TNS3: variants seen among roughly 807,000 people sequenced by gnomAD.
TNS3 encodes tensin 3.
A neutral mutation model predicts 140.9 loss-of-function variants in TNS3; 45 were observed. That is an observed-to-expected ratio of 0.32 (90% CI 0.25 to 0.41). The LOEUF is 0.41. TNS3 is among the 10% of genes least tolerant of loss of function. The pLI, the probability that TNS3 is intolerant of heterozygous loss-of-function variation, is 1.00. For missense variants in TNS3, 1,716 were observed against 1,906.7 expected (o/e 0.90, Z 1.86); for synonymous variants, 815 against 788.4 (o/e 1.03, Z -0.56).
chr7:47,343,171 T>C (rs981087844), intron 20 of TNS3, among the ~76,000 whole-genome samples: 4 of 152,154 alleles, frequency 2.6e-5, no homozygotes, highest in African/African-American at 4.8e-5. Context: ...CATCCACACA[T>C]AGTGCAGCGC....
chr7:47,433,883 ATCTCTCTCTCTCTCTCTC>A (rs55743320), intron 8 of TNS3, among the ~76,000 whole-genome samples: 7 of 149,448 alleles, frequency 4.7e-5, no homozygotes, highest in African/African-American at 1.7e-4. Context: ...CCGTCTGTCT[ATCTCTCTCTCTCTCTCTC>A]TCTCTCTCTC....
intron 16 of TNS3, among the ~76,000 whole-genome samples, chr7:47,387,151 C>T (rs377512732): frequency 2.6e-5 from 4 of 152,368 alleles, no homozygotes; most frequent in South Asian, 2.1e-4. Flanking sequence ...ATCAACTGTA[C>T]AGGGCCAGAG....
chr7:47,297,187 G>A lies in TNS3; in HGVS notation c.3571C>T (p.Pro1191Ser). 6.2e-7 allele frequency: 1 copy of A among 1,613,048 alleles called. No individual in the cohort carries two copies. Among genetic ancestry groups the A allele is most frequent in the Non-Finnish European group, 8.5e-7 (1 of 1,179,696 alleles). Reference sequence around the variant, plus strand: ...CTGTCTCGAACAATGAATGAGCCCGGCTCCTTGTCCTTCAACATGGCGATG... The same window carrying A: ...CTGTCTCGAACAATGAATGAGCCCGACTCCTTGTCCTTCAACATGGCGATG... The part of the protein sequence containing the change: ...QAIAMLKDKE[P>S]GSFIVRDSHS... Residue 1191 changes from proline (P) to serine (S), a missense_variant, in exon 24 of 31, where the codon CCG becomes TCG. Transcript: ENST00000311160.
intron 4 of TNS3, among the ~76,000 whole-genome samples, chr7:47,448,221 C>G (rs143275474): frequency 4.3e-4 from 65 of 152,360 alleles, no homozygotes; most frequent in Admixed American, 9.1e-4. Context: ...TGCACTCACC[C>G]ATGTGGGGCA....
chr7:47,393,624 C>T (rs1040713098), intron 16 of TNS3, among the ~76,000 whole-genome samples: 1 of 152,120 alleles, frequency 6.6e-6, no homozygotes, highest in Admixed American at 6.6e-5. Context: ...AAGGGATGAA[C>T]CAGGCACTGG....
At chr7:47,552,449 C>T (rs77719219) in intron 1 of TNS3, among the ~76,000 whole-genome samples, 1,827 of 152,268 alleles carry the variant, frequency 0.012, 33 homozygotes, top group African/African-American at 0.042. Flanking sequence ...TTTGTGGCAA[C>T]CCCACGTCAG....
chr7:47,331,563 C>G (rs998072549), intron 20 of TNS3, among the ~76,000 whole-genome samples: 2 of 152,232 alleles, frequency 1.3e-5, no homozygotes, highest in African/African-American at 4.8e-5. Flanking sequence ...ACATGGAGAC[C>G]TGACCTCTGA....
intron 8 of TNS3, among the ~76,000 whole-genome samples, chr7:47,435,035 C>T (rs1431404559): frequency 1.3e-5 from 2 of 152,224 alleles, no homozygotes; most frequent in Non-Finnish European, 2.9e-5. Context: ...TTGGGGTCAA[C>T]AGTTTCAAAT....
rs111489752 is a variant in TNS3 at position 47,315,317 on chromosome 7, C to T, written c.2651-10314G>A. ...AGCAGCTGGTGTCCCTGGTGCCCTG[C>T]GGGGGTGAGGTGGCCGGGAAGGCTG... is the stretch of plus-strand genomic sequence containing the variant. On this transcript the variant is annotated intron_variant, in intron 20 of 30. Coordinates refer to ENST00000311160, the MANE Select transcript of TNS3 (RefSeq NM_022748.12). Among the ~76,000 whole-genome samples, 53 of 152,318 alleles carry T rather than the reference C, an allele frequency of 3.5e-4. 1 individual carries two copies. The highest frequency in any genetic ancestry group is 1.2e-3 in the African/African-American group (50 of 41,572).
intron 13 of TNS3, among the ~76,000 whole-genome samples, chr7:47,406,787 T>C (rs1382839711): frequency 1.3e-5 from 2 of 152,206 alleles, no homozygotes; most frequent in Non-Finnish European, 2.9e-5. Flanking sequence ...GAAAAGGCCC[T>C]GTAACTTCTT....
intron 28 of TNS3, among the ~76,000 whole-genome samples, chr7:47,280,894 C>T (rs1334034574): frequency 6.6e-6 from 1 of 150,856 alleles, no homozygotes; most frequent in African/African-American, 2.4e-5. Context: ...GCTTGGGCGA[C>T]AGAGTGAGAT....
At chr7:47,541,189 G>A (rs575585684) in intron 1 of TNS3, among the ~76,000 whole-genome samples, 10 of 152,308 alleles carry the variant, frequency 6.6e-5, no homozygotes, top group African/African-American at 2.4e-4. Flanking sequence ...GAAGAAAAAT[G>A]GGAGGCACCT....
intron 20 of TNS3, among the ~76,000 whole-genome samples, chr7:47,317,502 G>A (rs575895117): frequency 1.1e-3 from 164 of 152,326 alleles, no homozygotes; most frequent in African/African-American, 3.6e-3. Flanking sequence ...GAATTCTAAT[G>A]TTGAAACAGT....
intron 10 of TNS3, 39 bp from the exon 11 acceptor site, chr7:47,415,245 T>TAA: frequency 2.1e-6 from 3 of 1,449,686 alleles, no homozygotes; most frequent in Non-Finnish European, 2.8e-6. Context: ...CCCAGAAGTG[T>TAA]CTTCAGCCTC....
At chr7:47,540,981 T>TA (rs1799767875) in intron 1 of TNS3, among the ~76,000 whole-genome samples, 1 of 152,216 alleles carries the variant, frequency 6.6e-6, no homozygotes, top group South Asian at 2.1e-4. Flanking sequence ...ATGTTCATCC[T>TA]GGAGGACCCC....
intron 8 of TNS3, among the ~76,000 whole-genome samples, chr7:47,430,550 G>C (rs1003329309): frequency 6.6e-6 from 1 of 152,068 alleles, no homozygotes; most frequent in African/African-American, 2.4e-5. Context: ...TAAGAAAACA[G>C]GGTACTCAAC....
chr7:47,389,684 C>T (rs532084135), intron 16 of TNS3, among the ~76,000 whole-genome samples: 11 of 152,348 alleles, frequency 7.2e-5, no homozygotes, highest in Middle Eastern at 6.8e-3. Context: ...AGAGGGTACG[C>T]CTCTCGCACT....
chr7:47,466,189 G>A (rs980570153), intron 4 of TNS3, among the ~76,000 whole-genome samples: 3 of 150,900 alleles, frequency 2.0e-5, no homozygotes, highest in Admixed American at 6.6e-5. Flanking sequence ...CGGAGCCTCT[G>A]TCGCCCAGGC....
chr7:47,477,579 T>C (rs1797242893), intron 4 of TNS3, among the ~76,000 whole-genome samples: 1 of 152,064 alleles, frequency 6.6e-6, no homozygotes, highest in African/African-American at 2.4e-5. Context: ...GGGCAGGGCA[T>C]CTGAGACAGA....
Sources: gnomAD v4.1 joint callset for allele counts (sites outside exome capture counted in the v4.1 genomes callset) on GRCh38, gnomAD v4.1.1 for gene constraint, MANE v1.5 for transcripts, NCBI Gene and HGNC (gene_info 2026-07-23, HGNC 2026-07-21) for gene names.